Variants in SYT16 observed in about 807,000 individuals in gnomAD.
SYT16 encodes synaptotagmin 16, also known as synaptotagmin-16.
A neutral mutation model predicts 61.4 loss-of-function variants in SYT16; 42 were observed. That is an observed-to-expected ratio of 0.68 (90% CI 0.53 to 0.89). The LOEUF is 0.89. Among genes scored for constraint, SYT16 ranks in the 40% least tolerant of loss-of-function variants. The pLI is 0.00. For missense variants in SYT16, 804 were observed against 807.3 expected (o/e 1.00, Z 0.05); for synonymous variants, 314 against 302.3 (o/e 1.04, Z -0.40).
At chr14:61,882,263 C>T (rs1276941174) in intron 1 of SYT16, among the ~76,000 whole-genome samples, 2 of 152,114 alleles carry the variant, frequency 1.3e-5, no homozygotes, top group Non-Finnish European at 2.9e-5. Flanking sequence ...AAAAAAATTA[C>T]ATGATAAGTA....
At chr14:61,831,692 A>G (rs902893145) in intron 1 of SYT16, among the ~76,000 whole-genome samples, 1 of 150,180 alleles carries the variant, frequency 6.7e-6, no homozygotes, top group Non-Finnish European at 1.5e-5. Flanking sequence ...TGTCTCTGGT[A>G]CTTTCTCCAG....
Position 61,828,014 on chromosome 14 carries a change from T to C in SYT16, c.-325+15204T>C, listed in dbSNP as rs939928840. Reference sequence around the variant, plus strand: ...CAGTTAAAATGAAGTTAAAATGAGGTCATTAGAGCGAGCCCCAATTCAATA... The same window carrying C: ...CAGTTAAAATGAAGTTAAAATGAGGCCATTAGAGCGAGCCCCAATTCAATA... On this transcript the variant is annotated intron_variant, in intron 1 of 7. Transcript: ENST00000683842. 2.0e-5 allele frequency among the ~76,000 whole-genome samples: 3 copies of C among 152,096 alleles called. No homozygotes were observed. In the East Asian group the frequency reaches 5.8e-4, roughly 29 times the overall value.
In SYT16 at chr14:62,069,927, A is replaced by G; in HGVS notation, c.736+112A>G. ...TCTGAGAGTCCAGAGAGGAAAAGAAAATGAGGCAGGATGCATTACGTGGAG... is the reference window on the plus strand; with the variant it reads ...TCTGAGAGTCCAGAGAGGAAAAGAAGATGAGGCAGGATGCATTACGTGGAG... On this transcript the variant is annotated intron_variant, in intron 4 of 7. Coordinates refer to ENST00000683842, the MANE Select transcript of SYT16 (RefSeq NM_001367656.1). The G allele has an allele frequency of 2.4e-6, 3 of 1,248,306 alleles. No individual in the cohort carries two copies. The South Asian group carries it at 4.4e-5, about 18-fold the overall frequency. The allele number at this position is 1,248,306 out of a possible 1,614,324, so 77.3% of individuals were successfully genotyped here. A position where few individuals can be genotyped will look rare whatever the true frequency, so the allele number is the denominator to read the frequency against.
intron 3 of SYT16, among the ~76,000 whole-genome samples, chr14:62,035,267 G>T (rs554193896): frequency 6.6e-6 from 1 of 152,218 alleles, no homozygotes; most frequent in African/African-American, 2.4e-5. Context: ...AGTTCCAAGG[G>T]CATGTAGCCC....
At chr14:61,854,188 A>G (rs2046705695) in intron 1 of SYT16, among the ~76,000 whole-genome samples, 1 of 152,206 alleles carries the variant, frequency 6.6e-6, no homozygotes, top group African/African-American at 2.4e-5. Flanking sequence ...AGATTGAAAG[A>G]AGGTATTAGT....
chr14:61,863,385 A>C (rs993395002), intron 1 of SYT16, among the ~76,000 whole-genome samples: 1 of 152,042 alleles, frequency 6.6e-6, no homozygotes, highest in African/African-American at 2.4e-5. Context: ...ATCTTTTTAC[A>C]TGTTTATTTG....
rs753697929 is a variant in SYT16, at chr14:62,043,446, C to T, written c.524-26157C>T. Among the ~76,000 whole-genome samples the T allele has an allele frequency of 3.1e-3, 395 of 127,040 alleles. 3 individuals carry two copies. Among genetic ancestry groups the T allele is most frequent in the Non-Finnish European group, 5.1e-3 (321 of 63,360 alleles). The allele number at this position is 127,040 out of a possible 152,430, so 83.3% of individuals were successfully genotyped here. On this transcript the variant is annotated intron_variant, in intron 3 of 7. Coordinates refer to ENST00000683842, the MANE Select transcript of SYT16 (RefSeq NM_001367656.1). ...TTTTTGAGATGGAGTGTTTCTCTGT[C>T]GCCCAGGCTGGAGTGCAGTGGTGTG...
intron 5 of SYT16, chr14:62,079,258 ACACT>A (rs1566827790): frequency 3.1e-6 from 2 of 645,724 alleles, no homozygotes; most frequent in African/African-American, 1.9e-5. Context: ...CTGAATAGAA[ACACT>A]CACGCATGAT....
intron 6 of SYT16, among the ~76,000 whole-genome samples, chr14:62,083,763 A>G (rs1315391764): frequency 2.0e-5 from 3 of 152,172 alleles, no homozygotes; most frequent in African/African-American, 7.2e-5. Flanking sequence ...CGCCTCCTGT[A>G]TTGCCATATT....
intron 3 of SYT16, among the ~76,000 whole-genome samples, chr14:62,058,445 C>T (rs953402364): frequency 1.6e-4 from 24 of 151,238 alleles, no homozygotes; most frequent in Admixed American, 5.3e-4. Context: ...GCAACCTCCG[C>T]GTCCCAGGTT....
intron 1 of SYT16, among the ~76,000 whole-genome samples, chr14:61,844,345 C>T (rs2046380002): frequency 6.6e-6 from 1 of 152,092 alleles, no homozygotes; most frequent in Non-Finnish European, 1.5e-5. Context: ...GATAATTTGA[C>T]TTCTTCCTTT....
chr14:61,980,457 A>G (rs2052021559), intron 2 of SYT16, among the ~76,000 whole-genome samples: 1 of 152,232 alleles, frequency 6.6e-6, no homozygotes, highest in South Asian at 2.1e-4. Context: ...ATAATTGAGA[A>G]TTGATATTAA....
intron 1 of SYT16, among the ~76,000 whole-genome samples, chr14:61,919,862 T>C: frequency 1.7e-3 from 1 of 596 alleles, no homozygotes; most frequent in Admixed American, 0.015. Context: ...AAAAGCTATC[T>C]GATATGCACA....
At chr14:61,962,033 G>T (rs953636687) in intron 1 of SYT16, among the ~76,000 whole-genome samples, 4 of 152,116 alleles carry the variant, frequency 2.6e-5, no homozygotes, top group South Asian at 2.1e-4. Context: ...ATCAAATAAC[G>T]CCTGTTCTTA....
chr14:61,838,100 T>C (rs1172660166), intron 1 of SYT16, among the ~76,000 whole-genome samples: 1 of 152,254 alleles, frequency 6.6e-6, no homozygotes, highest in African/African-American at 2.4e-5. Context: ...CTCTGAGAGA[T>C]ACTGTACTTT....
At chr14:61,924,725 T>C (rs1242827822) in intron 1 of SYT16, among the ~76,000 whole-genome samples, 1 of 152,250 alleles carries the variant, frequency 6.6e-6, no homozygotes, top group African/African-American at 2.4e-5. Context: ...TTTCTTATTA[T>C]GTAAAATGGC....
chr14:62,050,800 C>T (rs905159354), intron 3 of SYT16, among the ~76,000 whole-genome samples: 1 of 151,956 alleles, frequency 6.6e-6, no homozygotes, highest in Non-Finnish European at 1.5e-5. Context: ...GTTGGTGAAC[C>T]GCAAATGCTG....
chr14:62,045,623 C>A (rs1381163473), intron 3 of SYT16, among the ~76,000 whole-genome samples: 2 of 152,106 alleles, frequency 1.3e-5, no homozygotes, highest in African/African-American at 4.8e-5. Context: ...CCACAACAGG[C>A]CCCGGTGTGT....
chr14:62,064,369 G>A (rs986802251), intron 3 of SYT16, among the ~76,000 whole-genome samples: 5 of 143,412 alleles, frequency 3.5e-5, no homozygotes, highest in Non-Finnish European at 6.0e-5. Context: ...GAAAACACTG[G>A]GGAGAGATTG....
Sources: allele counts gnomAD v4.1 joint callset (sites outside exome capture counted in the v4.1 genomes callset), GRCh38; gene constraint gnomAD v4.1.1; transcripts MANE v1.5; gene names NCBI Gene and HGNC (gene_info 2026-07-23, HGNC 2026-07-21).